Variants in SUGCT observed in about 807,000 individuals in gnomAD.
SUGCT encodes the protein succinyl-CoA:glutarate-CoA transferase, also known as succinyl-CoA:glutarate CoA-transferase.
A neutral mutation model predicts 55.0 loss-of-function variants in SUGCT; 41 were observed. The observed-to-expected ratio is 0.74, with a 90% CI of 0.58 to 0.97. The LOEUF (loss-of-function observed/expected upper bound fraction) is 0.97. SUGCT is among the 50% of genes least tolerant of loss of function. The pLI, the probability that SUGCT is intolerant of heterozygous loss-of-function variation, is 0.00. For synonymous variants in SUGCT, 187 were observed against 200.4 expected, an observed-to-expected ratio of 0.93 and a Z score of 0.56; for missense variants, 568 against 547.8, an observed-to-expected ratio of 1.04 and a Z score of -0.37.
At chr7:40,428,196 C>A (rs915687517) in intron 9 of SUGCT, among the ~76,000 whole-genome samples, 1 of 152,136 alleles carries the variant, frequency 6.6e-6, no homozygotes, top group African/African-American at 2.4e-5. Context: ...GCTACCTCTG[C>A]CCTCTTTTAG....
chr7:40,898,247 G>C, the SUGCT span, among the ~76,000 whole-genome samples: 19 of 152,036 alleles, frequency 1.2e-4, no homozygotes, highest in African/African-American at 2.2e-4. Context: ...GCTTTCACTC[G>C]TGAGTTCAGA....
the SUGCT span, among the ~76,000 whole-genome samples, chr7:41,020,862 G>C: frequency 6.6e-6 from 1 of 152,198 alleles, no homozygotes; most frequent in African/African-American, 2.4e-5. Context: ...AATGAAGAAT[G>C]AACCCCTGGA....
At chr7:40,341,769 A>G (rs923100124) in intron 9 of SUGCT, among the ~76,000 whole-genome samples, 11 of 152,260 alleles carry the variant, frequency 7.2e-5, no homozygotes, top group African/African-American at 2.7e-4. Context: ...GAACCAGGAA[A>G]GGAGTTCAGA....
At chr7:40,682,322 G>A (rs1784289591) in intron 12 of SUGCT, among the ~76,000 whole-genome samples, 1 of 152,176 alleles carries the variant, frequency 6.6e-6, no homozygotes, top group Non-Finnish European at 1.5e-5. Context: ...AACAGTAAAT[G>A]TGAGCAGTAT....
chr7:40,931,639 G>A, the SUGCT span, among the ~76,000 whole-genome samples: 2 of 152,064 alleles, frequency 1.3e-5, no homozygotes, highest in Admixed American at 1.3e-4. Flanking sequence ...CTTCTTCCTG[G>A]TTTAGTCTTG....
At chr7:40,348,755 AC>A (rs1166843478) in intron 9 of SUGCT, among the ~76,000 whole-genome samples, 1 of 152,134 alleles carries the variant, frequency 6.6e-6, no homozygotes, top group African/African-American at 2.4e-5. Flanking sequence ...CATATAACTT[AC>A]CCCATTTTCT....
intron 6 of SUGCT, among the ~76,000 whole-genome samples, chr7:40,212,994 T>C (rs1021189963): frequency 3.3e-5 from 5 of 152,200 alleles, no homozygotes; most frequent in Non-Finnish European, 4.4e-5. Context: ...TTTTTGTCAA[T>C]TATACTTCAA....
intron 9 of SUGCT, among the ~76,000 whole-genome samples, chr7:40,346,214 CAAGTTTAA>C (rs1797297089): frequency 6.6e-6 from 1 of 152,068 alleles, no homozygotes; most frequent in East Asian, 1.9e-4. Flanking sequence ...TATTTATTTT[CAAGTTTAA>C]AAATTATACA....
the SUGCT span, among the ~76,000 whole-genome samples, chr7:40,928,508 C>G: frequency 6.6e-6 from 1 of 151,582 alleles, no homozygotes; most frequent in Non-Finnish European, 1.5e-5. Context: ...AATGATTATT[C>G]TATATTTGCA....
intron 13 of SUGCT, among the ~76,000 whole-genome samples, chr7:40,822,322 T>C (rs1336719394): frequency 6.6e-6 from 1 of 152,190 alleles, no homozygotes; most frequent in African/African-American, 2.4e-5. Context: ...ATATCCTTGT[T>C]AACTTTCTGT....
At chr7:40,243,025 C>T (rs1312469083) in intron 7 of SUGCT, among the ~76,000 whole-genome samples, 4 of 136,984 alleles carry the variant, frequency 2.9e-5, no homozygotes, top group African/African-American at 1.1e-4. Context: ...GCCTCAACAT[C>T]CCGGGGCTCA....
At chr7:40,295,743 A>G (rs545926999) in intron 8 of SUGCT, among the ~76,000 whole-genome samples, 1 of 152,274 alleles carries the variant, frequency 6.6e-6, no homozygotes, top group Non-Finnish European at 1.5e-5. Context: ...TAATGTAAAC[A>G]TTGTCTGTAT....
chr7:40,231,359 G>A (rs958953431), intron 6 of SUGCT, among the ~76,000 whole-genome samples: 1 of 152,168 alleles, frequency 6.6e-6, no homozygotes, highest in African/African-American at 2.4e-5. Context: ...AGTCACCTTG[G>A]TCACAGGCCT....
At chr7:40,678,195 A>G (rs1784088729) in intron 12 of SUGCT, among the ~76,000 whole-genome samples, 1 of 152,220 alleles carries the variant, frequency 6.6e-6, no homozygotes, top group Non-Finnish European at 1.5e-5. Flanking sequence ...CATCAAAGGC[A>G]TAGCTAGTAG....
chr7:40,279,051 A>T (rs1397850013), intron 8 of SUGCT, among the ~76,000 whole-genome samples: 1 of 146,958 alleles, frequency 6.8e-6, no homozygotes, highest in Non-Finnish European at 1.5e-5. Context: ...TGTCCAGGCT[A>T]GTCTTGAACT....
At chr7:40,306,695 C>T (rs971749163) in intron 8 of SUGCT, among the ~76,000 whole-genome samples, 1 of 152,162 alleles carries the variant, frequency 6.6e-6, no homozygotes, top group Non-Finnish European at 1.5e-5. Flanking sequence ...AGAAGACTTG[C>T]TATCACAGGA....
the SUGCT span, among the ~76,000 whole-genome samples, chr7:40,918,488 G>T: frequency 2.6e-5 from 4 of 151,678 alleles, no homozygotes; most frequent in Admixed American, 2.0e-4. Flanking sequence ...AGGTTTGGGG[G>T]ATATAGAAAA....
At chr7:40,168,959 T>A (rs1411049506) in intron 1 of SUGCT, among the ~76,000 whole-genome samples, 1 of 152,064 alleles carries the variant, frequency 6.6e-6, no homozygotes, top group Non-Finnish European at 1.5e-5. Flanking sequence ...TCCTTTCTGA[T>A]GACCCCAGCA....
At chr7:40,181,248 A>C (rs1171764213) in intron 2 of SUGCT, among the ~76,000 whole-genome samples, 2 of 152,154 alleles carry the variant, frequency 1.3e-5, no homozygotes, top group African/African-American at 2.4e-5. Context: ...AATTAGTTTT[A>C]CCCATATTTT....
Sources: gnomAD v4.1 joint callset for allele counts (sites outside exome capture counted in the v4.1 genomes callset) on GRCh38, gnomAD v4.1.1 for gene constraint, MANE v1.5 for transcripts, NCBI Gene and HGNC (gene_info 2026-07-23, HGNC 2026-07-21) for gene names.